The following ZNF548 variants were observed in gnomAD, a reference collection of about 807,000 sequenced individuals.
ZNF548 encodes zinc finger protein 548.
ZNF548 carries 10 observed loss-of-function variants against 10.2 expected under a neutral mutation model. The observed-to-expected ratio is 0.98, with a 90% CI of 0.60 to 1.66. The LOEUF is 1.66. ZNF548 is among the 40% of genes most tolerant of loss of function. The pLI, the probability that ZNF548 is intolerant of heterozygous loss-of-function variation, is 0.00. For missense variants in ZNF548, 599 were observed against 657.0 expected, an observed-to-expected ratio of 0.91 and a Z score of 0.97; for synonymous variants, 217 against 223.5, an observed-to-expected ratio of 0.97 and a Z score of 0.26.
chr19:57,401,101 A>G lies in ZNF548; in HGVS notation c.*1212A>G, dbSNP rs2088712962. 6.6e-6 allele frequency: 1 copy of G among 152,156 alleles called. No individual in the cohort carries two copies. Among genetic ancestry groups the G allele is most frequent in the South Asian group, 2.1e-4 (1 of 4,830 alleles). 9.4% of individuals were successfully genotyped at this position (152,156 alleles called of 1,614,324 possible). Reference sequence around the variant, plus strand: ...TTGTAGTTCTTTATACATTCTGGATATTAACTCCTTACCAAATATATGCTT... The same window carrying G: ...TTGTAGTTCTTTATACATTCTGGATGTTAACTCCTTACCAAATATATGCTT... On this transcript the variant is annotated 3_prime_UTR_variant, in exon 4 of 4. Coordinates refer to ENST00000336128, the MANE Select transcript of ZNF548 (RefSeq NM_001172773.2).
Position 57,399,296 on chromosome 19 carries a change from T to C in ZNF548, c.1045T>C (p.Tyr349His), listed in dbSNP as rs762529443. ...GAGAGTTCACACCGGAGAAAGACCT[T>C]ATAAGTGCAATGATTGTGGGAAATT... ...HQRVHTGERP[Y>H]KCNDCGKFFR... The change falls in exon 4 of 4, where the codon TAT becomes CAT. Residue 349 changes from tyrosine (Y) to histidine (H), a missense_variant. Tyr to His is a moderately conservative substitution (Grantham distance 83, BLOSUM62 2). Transcript: ENST00000336128. This position sits in a 1 kb window ranked among gnomAD's most constrained non-coding sequence, Gnocchi z 4.0. 2 of 1,614,024 alleles carry C rather than the reference T, an allele frequency of 1.2e-6. No homozygotes were observed. The highest frequency in any genetic ancestry group is 2.2e-5 in the East Asian group (1 of 44,872).
chr19:57,397,259 G>C, intron 3 of ZNF548, 85 bp downstream of exon 3: 1 of 1,458,842 alleles, frequency 6.9e-7, no homozygotes, highest in South Asian at 1.6e-5. Flanking sequence ...TTCCCACAGT[G>C]AGACCGTGGG....
In ZNF548 at chr19:57,398,768, G is replaced by A; in HGVS notation, c.517G>A (p.Asp173Asn). The A allele has an allele frequency of 1.2e-6, 2 of 1,614,012 alleles. No individual in the cohort carries two copies. Among genetic ancestry groups the A allele is most frequent in the Non-Finnish European group, 1.7e-6 (2 of 1,179,898 alleles). ...EIFTCMEGWK[D>N]LPATSCLLQH... ...CTTCACATGCATGGAGGGCTGGAAG[G>A]ACTTACCAGCCACCTCATGCCTTCT... The change falls in exon 4 of 4, where the codon GAC becomes AAC. Residue 173 changes from aspartate (D) to asparagine (N), a missense_variant. Physicochemically the swap from Asp to Asn is conservative, Grantham distance 23. Transcript: ENST00000336128.
chr19:57,390,174 G>T, intron 1 of ZNF548, 60 bp downstream of exon 1: 1 of 1,585,012 alleles, frequency 6.3e-7, no homozygotes, highest in South Asian at 1.1e-5. Flanking sequence ...GAAGCCCCCT[G>T]AAGGGGCCCT....
chr19:57,394,273 G>T, intron 2 of ZNF548, 50 bp downstream of exon 2: 1 of 1,566,146 alleles, frequency 6.4e-7, no homozygotes. Flanking sequence ...TCTCCCAGAT[G>T]GTTTTGGCAG....
At chr19:57,394,602 T>C (rs1421764431) in intron 2 of ZNF548, among the ~76,000 whole-genome samples, 1 of 152,106 alleles carries the variant, frequency 6.6e-6, no homozygotes. Context: ...GTCTGTAATC[T>C]AAGGGAAGTG....
At chr19:57,393,285 T>C (rs1053171499) in intron 1 of ZNF548, among the ~76,000 whole-genome samples, 1 of 152,158 alleles carries the variant, frequency 6.6e-6, no homozygotes. Context: ...GAAACACTTA[T>C]TGATTTAAAC....
chr19:57,399,941 A>T lies in ZNF548; in HGVS notation c.*52A>T. The stretch of plus-strand genomic sequence containing the variant: ...ATAAATTCCACATTTTTATGCAACT[A>T]ATCTCCAGAACATTTTTCCTCTTAC... On this transcript the variant is annotated 3_prime_UTR_variant, in exon 4 of 4. Transcript: ENST00000336128. The surrounding 1 kb of genome is among the most constrained non-coding windows in gnomAD (Gnocchi z 4.0). The T allele has an allele frequency of 7.2e-7, 1 of 1,387,016 alleles. No homozygotes were observed. Among genetic ancestry groups the T allele is most frequent in the African/African-American group, 1.5e-5 (1 of 68,766 alleles). The allele number at this position is 1,387,016 out of a possible 1,614,324, so 85.9% of individuals were successfully genotyped here.
rs769927197 is a variant in ZNF548, at chr19:57,390,121, G to A, written c.15+7G>A. ...GCTGATGAACCTGACTGAGGTGGGTGTCCCGTCCCAGGCTCCCCCGCCCGA... is the reference window on the plus strand; with the variant it reads ...GCTGATGAACCTGACTGAGGTGGGTATCCCGTCCCAGGCTCCCCCGCCCGA... On this transcript the variant is annotated splice_region_variant and intron_variant, in intron 1 of 3. Transcript: ENST00000336128. 6.2e-7 allele frequency: 1 copy of A among 1,607,864 alleles called. No homozygotes were observed. The highest frequency in any genetic ancestry group is 8.5e-7 in the Non-Finnish European group (1 of 1,179,304).
chr19:57,399,974 T>A lies in ZNF548; in HGVS notation c.*85T>A. 1.8e-6 allele frequency: 2 copies of A among 1,104,490 alleles called. No individual in the cohort carries two copies. Among genetic ancestry groups the A allele is most frequent in the Non-Finnish European group, 2.5e-6 (2 of 792,610 alleles). 68.4% of individuals were successfully genotyped at this position (1,104,490 alleles called of 1,614,324 possible). ...GAACATTTTTCCTCTTACCAAGAAGTAAAATGCTGTACCCATTAACAACAA... is the reference window on the plus strand; with the variant it reads ...GAACATTTTTCCTCTTACCAAGAAGAAAAATGCTGTACCCATTAACAACAA... On this transcript the variant is annotated 3_prime_UTR_variant, in exon 4 of 4. Coordinates refer to ENST00000336128, the MANE Select transcript of ZNF548 (RefSeq NM_001172773.2). The surrounding 1 kb of genome is among the most constrained non-coding windows in gnomAD (Gnocchi z 4.0).
At chr19:57,392,661 C>A in intron 1 of ZNF548, 1 of 482,126 alleles carries the variant, frequency 2.1e-6, no homozygotes, top group Non-Finnish European at 2.7e-6. Flanking sequence ...TTTCTGCAGT[C>A]AAATGCTTTA....
chr19:57,393,015 G>T (rs532489921), intron 1 of ZNF548: 626 of 979,634 alleles, frequency 6.4e-4, no homozygotes, highest in South Asian at 8.0e-4. Context: ...TGCAGGCTTG[G>T]TTGACCCTCA....
Position 57,392,887 on chromosome 19 carries a change from G to T in ZNF548, c.16-1301G>T, listed in dbSNP as rs367580536. On this transcript the variant is annotated intron_variant, in intron 1 of 3. Coordinates refer to ENST00000336128, the MANE Select transcript of ZNF548 (RefSeq NM_001172773.2). ...ACAGACATCATACTCTGTCCAGAACGGTGCAGACCTGGCATAACAGGGATT... is the reference window on the plus strand; with the variant it reads ...ACAGACATCATACTCTGTCCAGAACTGTGCAGACCTGGCATAACAGGGATT... 462 of 985,482 alleles carry T rather than the reference G, an allele frequency of 4.7e-4. 3 individuals are homozygous for T. The South Asian group carries it at 0.019, about 41-fold the overall frequency. The allele number at this position is 985,482 out of a possible 1,614,324, so 61.0% of individuals were successfully genotyped here.
In ZNF548 at chr19:57,399,836, A is replaced by C. The variant is rs767922473; in HGVS notation, c.1585A>C (p.Thr529Pro). The C allele has an allele frequency of 7.4e-6, 12 of 1,612,630 alleles. No individual in the cohort carries two copies. Among genetic ancestry groups the C allele is most frequent in the Non-Finnish European group, 1.0e-5 (12 of 1,179,016 alleles). ...GAATGTGGGGAATTCTTTAGCTAAA[A>C]CTCCAACCTCATTAAACATCAGAGA... ...SMNVGNSLAKTPTSLNIRDFT... is the reference protein window; with the variant it reads ...SMNVGNSLAKPPTSLNIRDFT... Residue 529 changes from threonine (T) to proline (P), a missense_variant, in exon 4 of 4, where the codon ACT becomes CCT. Coordinates refer to ENST00000336128, the MANE Select transcript of ZNF548 (RefSeq NM_001172773.2). This position sits in a 1 kb window ranked among gnomAD's most constrained non-coding sequence, Gnocchi z 4.0.
rs2088717169 is a variant in ZNF548, at chr19:57,401,591, C to T, written c.*1702C>T. The T allele has an allele frequency of 1.3e-5, 2 of 152,060 alleles. No homozygotes were observed. Among genetic ancestry groups the T allele is most frequent in the African/African-American group, 4.8e-5 (2 of 41,390 alleles). The allele number at this position is 152,060 out of a possible 1,614,324, so 9.4% of individuals were successfully genotyped here. A position where few individuals can be genotyped will look rare whatever the true frequency, so the allele number is the denominator to read the frequency against. On this transcript the variant is annotated 3_prime_UTR_variant, in exon 4 of 4. Transcript: ENST00000336128. ...GTCCCCCACAGACACCAAGGGATGA[C>T]TGTAGTGCATTTTATCTATTTTTAC...
At chr19:57,394,338 A>C (rs900229821) in intron 2 of ZNF548, 115 bp downstream of exon 2, 5 of 1,113,764 alleles carry the variant, frequency 4.5e-6, no homozygotes, top group Non-Finnish European at 5.1e-6. Context: ...GAGTGGTTTC[A>C]CCAGTTAGTT....
At chr19:57,396,937 T>A (rs1423297098) in intron 2 of ZNF548, 111 bp from the exon 3 acceptor site, 4 of 1,442,344 alleles carry the variant, frequency 2.8e-6, no homozygotes, top group African/African-American at 1.4e-5. Flanking sequence ...ATTTGGCTGT[T>A]AGTTTGGCCC....
Position 57,394,178 on chromosome 19 carries a change from C to G in ZNF548, c.16-10C>G, listed in dbSNP as rs1328327917. Reference sequence around the variant, plus strand: ...GCTGTCAATTTCTCACGGCCTTTCTCTTCCCTCAGGGTCCCCTGGCGATGG... The same window carrying G: ...GCTGTCAATTTCTCACGGCCTTTCTGTTCCCTCAGGGTCCCCTGGCGATGG... On this transcript the variant is annotated splice_polypyrimidine_tract_variant and intron_variant, in intron 1 of 3. Transcript: ENST00000336128. The G allele has an allele frequency of 6.2e-7, 1 of 1,602,590 alleles. No homozygotes were observed. The highest frequency in any genetic ancestry group is 1.1e-5 in the South Asian group (1 of 90,324).
Position 57,399,884 on chromosome 19 carries a change from C to A in ZNF548, c.1633C>A (p.His545Asn). 1 of 1,585,410 alleles carries A rather than the reference C, an allele frequency of 6.3e-7. No homozygotes were observed. The highest frequency in any genetic ancestry group is 2.3e-5 in the East Asian group (1 of 44,184). The change falls in exon 4 of 4, where the codon CAT becomes AAT. Residue 545 changes from histidine to asparagine, a missense_variant. Transcript: ENST00000336128. This position sits in a 1 kb window ranked among gnomAD's most constrained non-coding sequence, Gnocchi z 4.0. ...IRDFTMEKVY[H>N] ...AGATTTCACAATGGAGAAAGTTTAC[C>A]ATTGACTATTGTAATTGGGTAGTAA...
Sources: allele counts gnomAD v4.1 joint callset (sites outside exome capture counted in the v4.1 genomes callset), GRCh38; gene constraint gnomAD v4.1.1; non-coding constraint Gnocchi (gnomAD v3.1); transcripts MANE v1.5; gene names NCBI Gene and HGNC (gene_info 2026-07-23, HGNC 2026-07-21).